The following AOC2 variants were observed in gnomAD, a reference collection of about 807,000 sequenced individuals.
AOC2 encodes amine oxidase [copper-containing] 2.
Under a neutral mutation model 53.8 loss-of-function variants are expected in AOC2, and 57 were observed. The ratio of observed to expected loss-of-function variants is 1.06; its 90% CI spans 0.86 to 1.32. The LOEUF is 1.32. AOC2 is among the 40% of genes most tolerant of loss of function. AOC2 has a pLI of 0.00. For synonymous variants in AOC2, 404 were observed against 399.0 expected, an observed-to-expected ratio of 1.01 and a Z score of -0.15; for missense variants, 1,008 against 957.2, an observed-to-expected ratio of 1.05 and a Z score of -0.70.
intron 1 of AOC2, among the ~76,000 whole-genome samples, chr17:42,848,548 T>TATATATATATATATATACGTATATATAC (rs2055617666): frequency 7.6e-6 from 1 of 131,098 alleles, no homozygotes; most frequent in African/African-American, 3.0e-5. Flanking sequence ...TATATATACA[T>TATATATATATATATATACGTATATATAC]ATATATATAT....
rs1195825044 is a variant in AOC2 at position 42,850,164 on chromosome 17, G to A, written c.2087G>A (p.Arg696Lys). The A allele has an allele frequency of 6.2e-7, 1 of 1,614,208 alleles. No individual in the cohort carries two copies. Among genetic ancestry groups the A allele is most frequent in the African/African-American group, 1.3e-5 (1 of 75,042 alleles). ...DIPNTVTLGN[R>K]VGFLLRPYNF... ...CCAAACACAGTGACTCTGGGGAACA[G>A]AGTTGGCTTCTTGCTCCGACCCTAT... The change falls in exon 4 of 4, where the codon AGA becomes AAA. Residue 696 changes from arginine (R) to lysine (K), a missense_variant. By Grantham distance (26) the Arg-to-Lys change is conservative (BLOSUM62 2). Coordinates refer to ENST00000253799, the MANE Select transcript of AOC2 (RefSeq NM_009590.4).
chr17:42,850,167 T>C lies in AOC2; in HGVS notation c.2090T>C (p.Val697Ala). The C allele has an allele frequency of 1.2e-6, 2 of 1,614,090 alleles. No individual in the cohort carries two copies. The highest frequency in any genetic ancestry group is 1.7e-6 in the Non-Finnish European group (2 of 1,180,022). ...IPNTVTLGNR[V>A]GFLLRPYNFF... ...AACACAGTGACTCTGGGGAACAGAG[T>C]TGGCTTCTTGCTCCGACCCTATAAC... Residue 697 changes from valine (V) to alanine (A), a missense_variant, in exon 4 of 4, where the codon GTT (valine) becomes GCT (alanine). By Grantham distance (64) the Val-to-Ala change is moderately conservative. Coordinates refer to ENST00000253799, the MANE Select transcript of AOC2 (RefSeq NM_009590.4).
chr17:42,849,681 C>A lies in AOC2; in HGVS notation c.1955C>A (p.Pro652His), dbSNP rs1489338054. 6 of 1,614,196 alleles carry A rather than the reference C, an allele frequency of 3.7e-6. No individual in the cohort carries two copies. The highest frequency in any genetic ancestry group is 1.1e-5 in the South Asian group (1 of 91,086). ...TATCACCAGAATGACATCTGGACAC[C>A]CACAGTTACCTTTGCTGACTTCATC... ...SIYHQNDIWT[P>H]TVTFADFINN... is the part of the protein sequence containing the mutation. The change falls in exon 3 of 4, where the codon CCC (proline) becomes CAC (histidine). Residue 652 changes from proline (P) to histidine (H), a missense_variant. Physicochemically the swap from Pro to His is moderately conservative, Grantham distance 77 (BLOSUM62 -2). Transcript: ENST00000253799.
Position 42,844,671 on chromosome 17 carries a change from T to C in AOC2, c.45T>C (p.Ile15=). The part of the protein sequence containing the change: ...IVLAFLALSL[I]TIFALAYVLL... Reference sequence around the variant, plus strand: ...TGGCGTTCCTGGCACTGTCCCTCATTACCATCTTTGCCCTGGCCTATGTTT... The same window carrying C: ...TGGCGTTCCTGGCACTGTCCCTCATCACCATCTTTGCCCTGGCCTATGTTT... Residue 15 remains isoleucine (I), a synonymous_variant, in exon 1 of 4, where the codon ATT becomes ATC. Transcript: ENST00000253799. The C allele has an allele frequency of 6.2e-7, 1 of 1,614,136 alleles. No individual in the cohort carries two copies. Among genetic ancestry groups the C allele is most frequent in the Non-Finnish European group, 8.5e-7 (1 of 1,179,984 alleles).
rs962569474 is a variant in AOC2 at position 42,849,115 on chromosome 17, G to A, written c.1618G>A (p.Val540Met). 14 of 1,611,750 alleles carry A rather than the reference G, an allele frequency of 8.7e-6. No individual in the cohort carries two copies. The highest frequency in any genetic ancestry group is 2.7e-5 in the African/African-American group (2 of 74,994). ...GLKNWVVAED[V>M]VFKPVAAPWN... ...GAAAAACTGGGTGGTAGCTGAAGAC[G>A]TGGTGTTTAAACCTGTGGCTGCCCC... The change falls in exon 2 of 4, where the codon GTG becomes ATG. Residue 540 changes from valine to methionine, a missense_variant. Transcript: ENST00000253799.
Position 42,845,282 on chromosome 17 carries a change from C to T in AOC2, c.656C>T (p.Thr219Ile). The T allele has an allele frequency of 2.5e-6, 4 of 1,614,154 alleles. No homozygotes were observed. In the South Asian group the frequency reaches 3.3e-5, roughly 13 times the overall value. Reference sequence around the variant, plus strand: ...GGCTTGCGCTCAGGGGACCGAGCTACCTGGATGGCCCTCTACCATAACATC... The same window carrying T: ...GGCTTGCGCTCAGGGGACCGAGCTATCTGGATGGCCCTCTACCATAACATC... ...PRGLRSGDRATWMALYHNISG... is the reference protein window; with the variant it reads ...PRGLRSGDRAIWMALYHNISG... Residue 219 changes from threonine to isoleucine, a missense_variant, in exon 1 of 4, where the codon ACC (threonine) becomes ATC (isoleucine). Transcript: ENST00000253799.
At chr17:42,848,524 AATATATATATAT>A (rs71228780) in intron 1 of AOC2, among the ~76,000 whole-genome samples, 2 of 131,288 alleles carry the variant, frequency 1.5e-5, no homozygotes, top group African/African-American at 6.6e-5. Flanking sequence ...AGAGGAACTG[AATATATATATAT>A]ATATATATAC....
At position 42,844,761 on chromosome 17, in the gene AOC2, G is replaced by T. The variant is rs763990161; in HGVS notation, c.135G>T (p.Gln45His). The change falls in exon 1 of 4, where the codon CAG (glutamine) becomes CAT (histidine). Residue 45 changes from glutamine (Q) to histidine (H), a missense_variant. By Grantham distance (24) the Gln-to-His change is conservative (BLOSUM62 0). Transcript: ENST00000253799. ...GCCCCTCTGTATCCCATAGGGCCCAGCCCTGGCCACACCCTGGCCAGAGCC... is the reference window on the plus strand; with the variant it reads ...GCCCCTCTGTATCCCATAGGGCCCATCCCTGGCCACACCCTGGCCAGAGCC... ...PHCPSVSHRA[Q>H]PWPHPGQSQL... The T allele has an allele frequency of 2.5e-6, 4 of 1,614,190 alleles. No individual in the cohort carries two copies. The East Asian group carries it at 6.7e-5, about 27-fold the overall frequency.
Position 42,849,183 on chromosome 17 carries a change from G to T in AOC2, c.1686G>T (p.Arg562=). The T allele has an allele frequency of 6.2e-7, 1 of 1,614,184 alleles. No homozygotes were observed. Among genetic ancestry groups the T allele is most frequent in the Non-Finnish European group, 8.5e-7 (1 of 1,180,028 alleles). Reference sequence around the variant, plus strand: ...GGCTACAGCGCCCACAGCTGACTCGGCAGGTCCTGGGAAAGGAGGACCTGA... The same window carrying T: ...GGCTACAGCGCCCACAGCTGACTCGTCAGGTCCTGGGAAAGGAGGACCTGA... ...EHWLQRPQLT[R]QVLGKEDLTA... is the part of the protein sequence containing the mutation. Residue 562 remains arginine, a synonymous_variant, in exon 2 of 4, where the codon CGG becomes CGT. Coordinates refer to ENST00000253799, the MANE Select transcript of AOC2 (RefSeq NM_009590.4).
intron 1 of AOC2, among the ~76,000 whole-genome samples, chr17:42,848,836 C>T (rs1435462951): frequency 1.3e-5 from 2 of 152,096 alleles, no homozygotes; most frequent in African/African-American, 4.8e-5. Context: ...CAGGTGTGAG[C>T]CACCTCAGCT....
chr17:42,845,019 A>G lies in AOC2; in HGVS notation c.393A>G (p.Gln131=), dbSNP rs762369071. ...TCGTCCTCTTTGGTGGACAACCCCA[A>G]CCCAATGTGAGTGAGCTGGTGGTGG... ...LAIVLFGGQP[Q]PNVSELVVGP... Residue 131 remains glutamine, a synonymous_variant, in exon 1 of 4, where the codon CAA becomes CAG. Coordinates refer to ENST00000253799, the MANE Select transcript of AOC2 (RefSeq NM_009590.4). 4 of 1,613,564 alleles carry G rather than the reference A, an allele frequency of 2.5e-6. No homozygotes were observed. The highest frequency in any genetic ancestry group is 2.5e-6 in the Non-Finnish European group (3 of 1,179,868).
rs763300745 is a variant in AOC2, at chr17:42,846,167, C to T, written c.1541C>T (p.Thr514Met). 6.5e-6 allele frequency: 10 copies of T among 1,543,562 alleles called. No individual in the cohort carries two copies. Among genetic ancestry groups the T allele is most frequent in the African/African-American group, 2.8e-5 (2 of 72,436 alleles). Residue 514 changes from threonine (T) to methionine (M), a missense_variant, in exon 1 of 4, where the codon ACG (threonine) becomes ATG (methionine). Thr to Met is a moderately conservative substitution (Grantham distance 81, BLOSUM62 -1). Coordinates refer to ENST00000253799, the MANE Select transcript of AOC2 (RefSeq NM_009590.4). ...CGTGTGGGGGAAAGAGTGCTGGGAA[C>T]GGTGCACACACATGCCTTCCACTTC... ...GNRVGERVLG[T>M]VHTHAFHFKL...
rs1249761836 is a variant in AOC2 at position 42,850,397 on chromosome 17, GTTTCTAC to G, written c.*56_*62del. On this transcript the variant is annotated 3_prime_UTR_variant, in exon 4 of 4. Transcript: ENST00000253799. ...TGGTTAGGCACATGTACTTTTCCCT[GTTTCTAC>G]TTTCTATTCTCCGTGTTTTTATCAC... The G allele has an allele frequency of 1.3e-6, 2 of 1,515,996 alleles. No homozygotes were observed. The highest frequency in any genetic ancestry group is 1.8e-6 in the Non-Finnish European group (2 of 1,131,476). 93.9% of individuals were successfully genotyped at this position (1,515,996 alleles called of 1,614,324 possible).
At position 42,849,071 on chromosome 17, in the gene AOC2, C is replaced by T. The variant is rs975600373; in HGVS notation, c.1589-15C>T. 1 of 1,599,270 alleles carries T rather than the reference C, an allele frequency of 6.3e-7. No individual in the cohort carries two copies. The highest frequency in any genetic ancestry group is 8.5e-7 in the Non-Finnish European group (1 of 1,170,296). On this transcript the variant is annotated splice_polypyrimidine_tract_variant and intron_variant, in intron 1 of 3. Transcript: ENST00000253799. ...ACCTGGTGTGGAACTCATCTCCTTT[C>T]CCTCCCCCTGGCAGGGCTGAAAAAC...
rs780723003 is a variant in AOC2 at position 42,845,582 on chromosome 17, T to C, written c.956T>C (p.Val319Ala). 2 of 1,614,192 alleles carry C rather than the reference T, an allele frequency of 1.2e-6. No individual in the cohort carries two copies. Among genetic ancestry groups the C allele is most frequent in the South Asian group, 2.2e-5 (2 of 91,082 alleles). ...TCGCCCCAGGGTTCCCAGTACAGTG[T>C]GCAAGGAAACCTGGTGGTATCCTCC... ...QFSPQGSQYS[V>A]QGNLVVSSLW... The change falls in exon 1 of 4, where the codon GTG (valine) becomes GCG (alanine). Residue 319 changes from valine (V) to alanine (A), a missense_variant. Physicochemically the swap from Val to Ala is moderately conservative, Grantham distance 64 (BLOSUM62 0). Coordinates refer to ENST00000253799, the MANE Select transcript of AOC2 (RefSeq NM_009590.4).
rs145927458 is a variant in AOC2 at position 42,844,773 on chromosome 17, C to G, written c.147C>G (p.His49Gln). 2 of 1,614,242 alleles carry G rather than the reference C, an allele frequency of 1.2e-6. No individual in the cohort carries two copies. The highest frequency in any genetic ancestry group is 1.7e-6 in the Non-Finnish European group (2 of 1,180,034). Residue 49 changes from histidine (H) to glutamine (Q), a missense_variant, in exon 1 of 4, where the codon CAC (histidine) becomes CAG (glutamine). His to Gln is a conservative substitution (Grantham distance 24). Transcript: ENST00000253799. ...SVSHRAQPWP[H>Q]PGQSQLFADL... ...CCCATAGGGCCCAGCCCTGGCCACA[C>G]CCTGGCCAGAGCCAGCTGTTTGCAG...
intron 1 of AOC2, 28 bp downstream of exon 1, chr17:42,846,242 A>T: frequency 7.0e-7 from 1 of 1,427,326 alleles, no homozygotes; most frequent in Non-Finnish European, 9.2e-7. Flanking sequence ...GAGGATGGAG[A>T]CTTGGGGGCG....
Position 42,849,383 on chromosome 17 carries a change from C to T in AOC2, c.1874+12C>T. ...CTCAGCTGGGGGAGGTGAGGAGGGC[C>T]CTGGCCTGGGTGGAAGGAAAGGACA... On this transcript the variant is annotated intron_variant, in intron 2 of 3. Transcript: ENST00000253799. The T allele has an allele frequency of 2.5e-6, 4 of 1,607,874 alleles. No homozygotes were observed. The highest frequency in any genetic ancestry group is 1.3e-5 in the African/African-American group (1 of 74,904).
At chr17:42,849,047 C>T (rs760661851) in intron 1 of AOC2, 39 bp from the exon 2 acceptor site, 1 of 1,573,332 alleles carries the variant, frequency 6.4e-7, no homozygotes, top group South Asian at 1.2e-5. Flanking sequence ...AGAGACCTTA[C>T]CTGGTGTGGA....
Sources: gnomAD v4.1 joint callset for allele counts (sites outside exome capture counted in the v4.1 genomes callset) on GRCh38, gnomAD v4.1.1 for gene constraint, MANE v1.5 for transcripts, NCBI Gene and HGNC (gene_info 2026-07-23, HGNC 2026-07-21) for gene names.